FRK: variants seen among roughly 807,000 people sequenced by gnomAD.
FRK encodes the protein fyn related Src family tyrosine kinase.
In FRK, 51 loss-of-function variants were observed where a neutral mutation model predicts 56.4. The ratio of observed to expected loss-of-function variants is 0.90; its 90% CI spans 0.72 to 1.14. FRK has a LOEUF of 1.14. Among genes scored for constraint, FRK ranks in the 50% most tolerant of loss-of-function variants. The probability of loss-of-function intolerance (pLI) is 0.00; values close to 1 mark genes in which losing one functional copy is unlikely to be tolerated. For synonymous variants in FRK, 245 were observed against 217.9 expected (o/e 1.12, Z -1.10); for missense variants, 570 against 601.4 (o/e 0.95, Z 0.55).
chr6:115,990,801 C>A (rs1055833996), intron 2 of FRK, among the ~76,000 whole-genome samples: 2 of 151,712 alleles, frequency 1.3e-5, no homozygotes, highest in African/African-American at 4.8e-5. Context: ...TTTTCTAATT[C>A]TGTGAAATAT....
intron 2 of FRK, among the ~76,000 whole-genome samples, chr6:115,970,300 T>C (rs1240042716): frequency 6.6e-6 from 1 of 152,190 alleles, no homozygotes; most frequent in South Asian, 2.1e-4. Context: ...AACACAGTCA[T>C]ACATGTCATA....
At chr6:115,957,792 C>A (rs1773067203) in intron 4 of FRK, among the ~76,000 whole-genome samples, 4 of 152,170 alleles carry the variant, frequency 2.6e-5, no homozygotes, top group Admixed American at 2.6e-4. Flanking sequence ...GCCACTAGTG[C>A]CCTGTGTGAT....
intron 4 of FRK, among the ~76,000 whole-genome samples, chr6:115,958,402 G>A (rs111714432): frequency 5.3e-5 from 8 of 152,116 alleles, no homozygotes; most frequent in African/African-American, 1.4e-4. Context: ...CAAGGCAGGC[G>A]GATAACTTGA....
chr6:115,952,553 C>T (rs1772807309), intron 5 of FRK, among the ~76,000 whole-genome samples: 1 of 151,602 alleles, frequency 6.6e-6, no homozygotes, highest in Non-Finnish European at 1.5e-5. Context: ...ACCATTTGAC[C>T]CAGCCATCCC....
chr6:115,953,946 G>C (rs1252353224), intron 5 of FRK, among the ~76,000 whole-genome samples: 1 of 152,142 alleles, frequency 6.6e-6, no homozygotes, highest in Non-Finnish European at 1.5e-5. Context: ...AAATAAATAA[G>C]ATACACAGTA....
intron 1 of FRK, among the ~76,000 whole-genome samples, chr6:116,050,200 G>A (rs1000779343): frequency 2.0e-5 from 3 of 152,020 alleles, no homozygotes; most frequent in Non-Finnish European, 2.9e-5. Context: ...AACTTCAGAC[G>A]AGGCTACACT....
At chr6:116,094,810 T>C in the FRK span, among the ~76,000 whole-genome samples, 5 of 145,762 alleles carry the variant, frequency 3.4e-5, no homozygotes, top group Admixed American at 1.4e-4. Context: ...AAAGAGGGAA[T>C]CAGAGAGAAA....
intron 1 of FRK, among the ~76,000 whole-genome samples, chr6:116,030,025 T>G (rs1049668377): frequency 1.3e-5 from 2 of 152,160 alleles, no homozygotes; most frequent in African/African-American, 4.8e-5. Context: ...AAATTGAATT[T>G]CTTCATGGCC....
At position 115,942,354 on chromosome 6, in the gene FRK, T is replaced by C; in HGVS notation, c.*60A>G. 7.4e-7 allele frequency: 1 copy of C among 1,354,736 alleles called. No homozygotes were observed. The highest frequency in any genetic ancestry group is 1.7e-5 in the Admixed American group (1 of 58,458). The allele number at this position is 1,354,736 out of a possible 1,614,324, so 83.9% of individuals were successfully genotyped here. A position where few individuals can be genotyped will look rare whatever the true frequency, so the allele number is the denominator to read the frequency against. ...TGCAGTTGGTTGATAACATTGTATTTTGGAATGGATTATTTGAATTTGTTT... is the reference window on the plus strand; with the variant it reads ...TGCAGTTGGTTGATAACATTGTATTCTGGAATGGATTATTTGAATTTGTTT... On this transcript the variant is annotated 3_prime_UTR_variant, in exon 8 of 8. Coordinates refer to ENST00000606080, the MANE Select transcript of FRK (RefSeq NM_002031.3).
At chr6:116,004,821 G>A (rs1284828804) in intron 1 of FRK, among the ~76,000 whole-genome samples, 2 of 152,146 alleles carry the variant, frequency 1.3e-5, no homozygotes, top group Non-Finnish European at 2.9e-5. Context: ...GTTCTAATAA[G>A]AGGAAGCTGA....
the FRK span, among the ~76,000 whole-genome samples, chr6:116,085,042 TGCC>T: frequency 6.6e-6 from 1 of 152,188 alleles, no homozygotes; most frequent in Non-Finnish European, 1.5e-5. Flanking sequence ...GAGAGTGGTA[TGCC>T]TGCTTTGAAA....
chr6:115,956,326 A>G (rs1772988243), intron 5 of FRK, 126 bp downstream of exon 5: 1 of 544,726 alleles, frequency 1.8e-6, no homozygotes, highest in Admixed American at 4.1e-5. Context: ...GTGTTAAGAC[A>G]TTCATTCTCA....
intron 1 of FRK, among the ~76,000 whole-genome samples, chr6:116,024,624 C>T (rs1452258482): frequency 2.6e-5 from 4 of 151,988 alleles, no homozygotes; most frequent in Non-Finnish European, 5.9e-5. Flanking sequence ...CATAGTATTC[C>T]ATGGTGTATA....
chr6:116,059,691 G>A (rs1443800466), intron 1 of FRK, among the ~76,000 whole-genome samples: 1 of 152,130 alleles, frequency 6.6e-6, no homozygotes, highest in East Asian at 1.9e-4. Flanking sequence ...CAAAGAGAAG[G>A]TACAGTATTA....
intron 1 of FRK, among the ~76,000 whole-genome samples, chr6:116,045,869 G>A (rs1776933047): frequency 6.6e-6 from 1 of 152,066 alleles, no homozygotes; most frequent in Admixed American, 6.5e-5. Flanking sequence ...TAGAGAATGG[G>A]AGAAAATGTT....
rs1473546413 is a variant in FRK at position 115,967,539 on chromosome 6, T to C, written c.799+12A>G. 3.1e-6 allele frequency: 5 copies of C among 1,611,936 alleles called. No individual in the cohort carries two copies. Among genetic ancestry groups the C allele is most frequent in the African/African-American group, 2.7e-5 (2 of 74,856 alleles). Reference sequence around the variant, plus strand: ...ATCAACATATGCCATTTAACCTTTATTGTTCTCGCACCTGGTTTTAATGTT... The same window carrying C: ...ATCAACATATGCCATTTAACCTTTACTGTTCTCGCACCTGGTTTTAATGTT... On this transcript the variant is annotated intron_variant, in intron 4 of 7. Transcript: ENST00000606080.
chr6:116,004,278 C>G (rs182654459), intron 1 of FRK, among the ~76,000 whole-genome samples: 10 of 152,218 alleles, frequency 6.6e-5, no homozygotes, highest in African/African-American at 2.4e-4. Flanking sequence ...GGTCCTGAGC[C>G]TTCCCTCTAT....
At chr6:116,052,142 C>G (rs1009105593) in intron 1 of FRK, among the ~76,000 whole-genome samples, 1 of 152,126 alleles carries the variant, frequency 6.6e-6, no homozygotes, top group African/African-American at 2.4e-5. Flanking sequence ...GATATTCAGT[C>G]TACATTACAA....
chr6:116,080,022 C>T, the FRK span, among the ~76,000 whole-genome samples: 6 of 151,802 alleles, frequency 4.0e-5, no homozygotes, highest in African/African-American at 7.3e-5. Context: ...ATTGACTATC[C>T]GTTAAAAATA....
Sources: allele counts gnomAD v4.1 joint callset (sites outside exome capture counted in the v4.1 genomes callset), GRCh38; gene constraint gnomAD v4.1.1; transcripts MANE v1.5; gene names NCBI Gene and HGNC (gene_info 2026-07-23, HGNC 2026-07-21).